GATA4: variants seen among roughly 807,000 people sequenced by gnomAD.
The protein encoded by GATA4 is GATA binding protein 4, also known as transcription factor GATA-4.
In GATA4, 7 loss-of-function variants were observed where a neutral mutation model predicts 37.9. That is an observed-to-expected ratio of 0.18 (90% CI 0.11 to 0.35). GATA4 has a LOEUF of 0.35. Among genes scored for constraint, GATA4 ranks in the 10% least tolerant of loss-of-function variants. GATA4 has a pLI of 1.00. For synonymous variants in GATA4, 372 were observed against 292.6 expected (o/e 1.27, Z -2.77); for missense variants, 647 against 653.0 (o/e 0.99, Z 0.10).
Position 11,758,925 on chromosome 8 carries a change from T to C in GATA4, c.*450T>C, listed in dbSNP as rs1371951641. ...GCGACGGGCCCCTGGGGACAGGCCC[T>C]TGCCCCATCCATCCGCTTGAGGCAT... On this transcript the variant is annotated 3_prime_UTR_variant, in exon 7 of 7. Coordinates refer to ENST00000532059, the MANE Select transcript of GATA4 (RefSeq NM_001308093.3). 2 of 283,052 alleles carry C rather than the reference T, an allele frequency of 7.1e-6. No homozygotes were observed. Among genetic ancestry groups the C allele is most frequent in the Non-Finnish European group, 6.9e-6 (1 of 144,442 alleles). 17.5% of individuals were successfully genotyped at this position (283,052 alleles called of 1,614,324 possible).
chr8:11,727,054 C>A (rs937361005), intron 2 of GATA4, among the ~76,000 whole-genome samples: 1 of 152,150 alleles, frequency 6.6e-6, no homozygotes, highest in Non-Finnish European at 1.5e-5. Flanking sequence ...GCTGTGCGTG[C>A]CAGCCATGCC....
chr8:11,725,992 G>T (rs1800903936), intron 2 of GATA4, among the ~76,000 whole-genome samples: 1 of 152,188 alleles, frequency 6.6e-6, no homozygotes, highest in Admixed American at 6.5e-5. Context: ...TTCTGGTGCT[G>T]TCCTTTTATT....
At chr8:11,740,500 A>G (rs1801677812) in intron 2 of GATA4, among the ~76,000 whole-genome samples, 1 of 152,210 alleles carries the variant, frequency 6.6e-6, no homozygotes, top group Admixed American at 6.5e-5. Flanking sequence ...GGTCCCTGCA[A>G]ACACAGCAGC....
intron 2 of GATA4, among the ~76,000 whole-genome samples, chr8:11,743,175 C>T (rs1013910855): frequency 2.6e-5 from 4 of 152,220 alleles, no homozygotes; most frequent in African/African-American, 7.2e-5. Context: ...GGCCCACTGC[C>T]GTTTGTCATC....
chr8:11,688,143 A>T (rs1423596377), upstream of GATA4, among the ~76,000 whole-genome samples: 1 of 152,224 alleles, frequency 6.6e-6, no homozygotes, highest in Non-Finnish European at 1.5e-5. Flanking sequence ...CCAAGGTGCA[A>T]GTTATAAAGT....
At chr8:11,743,725 C>A (rs117514432) in intron 2 of GATA4, among the ~76,000 whole-genome samples, 1 of 152,194 alleles carries the variant, frequency 6.6e-6, no homozygotes, top group Non-Finnish European at 1.5e-5. Context: ...CCTCTGGCTG[C>A]GTCAGTTCTT....
At position 11,721,089 on chromosome 8, in the gene GATA4, A is replaced by G. The variant is rs148634696; in HGVS notation, c.616+12161A>G. ...GAATCCCAGCAACTTAGAGCTTGCTAGGGGAGGGAACACGTGGATGTGCAC... is the reference window on the plus strand; with the variant it reads ...GAATCCCAGCAACTTAGAGCTTGCTGGGGGAGGGAACACGTGGATGTGCAC... On this transcript the variant is annotated intron_variant, in intron 2 of 6. Transcript: ENST00000532059. Among the ~76,000 whole-genome samples the G allele has an allele frequency of 2.1e-3, 324 of 151,954 alleles. 2 individuals carry two copies. The highest frequency in any genetic ancestry group is 7.5e-3 in the African/African-American group (312 of 41,430).
Position 11,758,553 on chromosome 8 carries a change from A to G in GATA4, c.*78A>G. On this transcript the variant is annotated 3_prime_UTR_variant, in exon 7 of 7. Transcript: ENST00000532059. ...GCAAAGAAGGAGGCCCTGGGCTCCC[A>G]GGGGCCGGCCTCCTCTGCCTGGTAA... 4.9e-6 allele frequency: 7 copies of G among 1,441,588 alleles called. No individual in the cohort carries two copies. The highest frequency in any genetic ancestry group is 1.1e-5 in the South Asian group (1 of 87,298). 89.3% of individuals were successfully genotyped at this position (1,441,588 alleles called of 1,614,324 possible). A position where few individuals can be genotyped will look rare whatever the true frequency, so the allele number is the denominator to read the frequency against.
At chr8:11,753,041 C>T (rs558866337) in intron 4 of GATA4, among the ~76,000 whole-genome samples, 58 of 152,258 alleles carry the variant, frequency 3.8e-4, no homozygotes, top group African/African-American at 1.3e-3. Context: ...CATGATCCAG[C>T]GTACCATTTC....
upstream of GATA4, chr8:11,700,783 G>A (rs961664769): frequency 4.6e-5 from 7 of 152,280 alleles, no homozygotes; most frequent in African/African-American, 1.7e-4. Flanking sequence ...AATGAGGTTT[G>A]ATTCTCTCTG....
At chr8:11,710,414 G>A (rs28422769) in intron 2 of GATA4, among the ~76,000 whole-genome samples, 1 of 152,010 alleles carries the variant, frequency 6.6e-6, no homozygotes, top group Non-Finnish European at 1.5e-5. Flanking sequence ...GCGCGCTTAC[G>A]GGGTCCTCTC....
chr8:11,725,365 C>A (rs1384504185), intron 2 of GATA4, among the ~76,000 whole-genome samples: 1 of 152,244 alleles, frequency 6.6e-6, no homozygotes, highest in Non-Finnish European at 1.5e-5. Flanking sequence ...GTCTCACCCC[C>A]AGTCCTGTTG....
chr8:11,741,371 C>T (rs1452005362), intron 2 of GATA4, among the ~76,000 whole-genome samples: 1 of 152,006 alleles, frequency 6.6e-6, no homozygotes, highest in South Asian at 2.1e-4. Context: ...CCCAGCTACT[C>T]AGGAGGTTCA....
chr8:11,757,195 C>T, intron 6 of GATA4, 112 bp downstream of exon 6: 3 of 1,472,710 alleles, frequency 2.0e-6, no homozygotes, highest in Non-Finnish European at 2.8e-6. Context: ...CAGGTGCAAG[C>T]AGTGAGCTAC....
At chr8:11,723,378 A>G (rs1800764653) in intron 2 of GATA4, among the ~76,000 whole-genome samples, 1 of 152,132 alleles carries the variant, frequency 6.6e-6, no homozygotes. Context: ...GGTTTAAACA[A>G]GCATGATGTG....
chr8:11,712,177 TAGCCACTCAC>T (rs1800214417), intron 2 of GATA4, among the ~76,000 whole-genome samples: 1 of 152,246 alleles, frequency 6.6e-6, no homozygotes, highest in Non-Finnish European at 1.5e-5. Context: ...TTTTATTGAA[TAGCCACTCAC>T]TGTCATGTAG....
rs540726983 is a variant in GATA4 at position 11,681,061 on chromosome 8, C to T, written c.-274+3998C>T. ...AGATCTAATGCCTTCCTTCTCTGGCCGGATTTGGAGGGACATTGAGGGGCA... is the reference window on the plus strand; with the variant it reads ...AGATCTAATGCCTTCCTTCTCTGGCTGGATTTGGAGGGACATTGAGGGGCA... On this transcript the variant is annotated intron_variant, in intron 1 of 6. Coordinates refer to the GATA4 transcript ENST00000528712. The T allele has an allele frequency of 3.9e-4, 370 of 953,096 alleles. 1 individual carries two copies. The African/African-American group carries it at 5.8e-3, about 15-fold the overall frequency. 59.0% of individuals were successfully genotyped at this position (953,096 alleles called of 1,614,324 possible).
chr8:11,708,295 CG>C lies in GATA4; in HGVS notation c.-15del, dbSNP rs1563199473. 1.3e-6 allele frequency: 2 copies of C among 1,571,722 alleles called. No homozygotes were observed. The highest frequency in any genetic ancestry group is 1.7e-6 in the Non-Finnish European group (2 of 1,166,050). The stretch of plus-strand genomic sequence containing the variant: ...CGAGGGAGAGAGAGGACACCGAAGC[CG>C]GGAGCTCGCAGGGACCATGTATCAG... On this transcript the variant is annotated 5_prime_UTR_variant, in exon 2 of 7. Coordinates refer to ENST00000532059, the MANE Select transcript of GATA4 (RefSeq NM_001308093.3). The surrounding 1 kb of genome is among the most constrained non-coding windows in gnomAD (Gnocchi z 6.7).
rs369527194 is a variant in GATA4, at chr8:11,744,320, T to C, written c.617-4596T>C. Among the ~76,000 whole-genome samples, 19 of 152,368 alleles carry C rather than the reference T, an allele frequency of 1.2e-4. No individual in the cohort carries two copies. In the East Asian group the frequency reaches 3.5e-3, roughly 28 times the overall value. On this transcript the variant is annotated intron_variant, in intron 2 of 6. Coordinates refer to ENST00000532059, the MANE Select transcript of GATA4 (RefSeq NM_001308093.3). ...GCAAAGCACTTTACAGCCATTGTTGTAAGTTTTTCCTCTCATTTGCAAAGT... is the reference window on the plus strand; with the variant it reads ...GCAAAGCACTTTACAGCCATTGTTGCAAGTTTTTCCTCTCATTTGCAAAGT...
Sources: gnomAD v4.1 joint callset for allele counts (sites outside exome capture counted in the v4.1 genomes callset) on GRCh38, gnomAD v4.1.1 for gene constraint, Gnocchi (gnomAD v3.1) non-coding constraint, MANE v1.5 for transcripts, NCBI Gene and HGNC (gene_info 2026-07-23, HGNC 2026-07-21) for gene names.